The following DYNC2I2 variants were observed in gnomAD, a reference collection of about 807,000 sequenced individuals.
The protein encoded by DYNC2I2 is cytoplasmic dynein 2 intermediate chain 2.
Under a neutral mutation model 52.0 loss-of-function variants are expected in DYNC2I2, and 39 were observed. That is an observed-to-expected ratio of 0.75 (90% confidence interval 0.58 to 0.98). DYNC2I2 has a LOEUF of 0.98. DYNC2I2 is among the 50% of genes least tolerant of loss of function. DYNC2I2 has a pLI of 0.00. For missense variants in DYNC2I2, 743 were observed against 728.4 expected (o/e 1.02, Z -0.23); for synonymous variants, 359 against 321.1 (o/e 1.12, Z -1.26).
upstream of DYNC2I2, among the ~76,000 whole-genome samples, chr9:128,659,668 G>A (rs778392683): frequency 6.6e-6 from 1 of 151,778 alleles, no homozygotes; most frequent in Admixed American, 6.6e-5. Context: ...CAGCACTTTT[G>A]GAGGCCGAGG....
At chr9:128,671,085 A>G in the DYNC2I2 span, among the ~76,000 whole-genome samples, 1 of 127,584 alleles carries the variant, frequency 7.8e-6, no homozygotes, top group Non-Finnish European at 1.7e-5. Context: ...AAAAAAAAAA[A>G]GAAACACCCA....
the DYNC2I2 span, among the ~76,000 whole-genome samples, chr9:128,667,557 C>T: frequency 4.0e-3 from 589 of 148,034 alleles, 4 homozygotes; most frequent in African/African-American, 0.013. Flanking sequence ...CCTTGTGATC[C>T]GCCCGCCTCG....
the DYNC2I2 span, chr9:128,683,846 C>G: frequency 1.4e-6 from 2 of 1,474,152 alleles, no homozygotes; most frequent in African/African-American, 2.8e-5. Flanking sequence ...CAGCCTGCTT[C>G]CGGACGGGCG....
chr9:128,643,148 G>A (rs761481865), intron 1 of DYNC2I2, among the ~76,000 whole-genome samples: 30 of 152,332 alleles, frequency 2.0e-4, no homozygotes, highest in South Asian at 8.3e-4. Flanking sequence ...ACTTTGGGAG[G>A]CTGAAGCAAG....
chr9:128,634,801 C>G lies in DYNC2I2; in HGVS notation c.1102G>C (p.Glu368Gln). The G allele has an allele frequency of 6.2e-7, 1 of 1,612,782 alleles. No homozygotes were observed. The highest frequency in any genetic ancestry group is 8.5e-7 in the Non-Finnish European group (1 of 1,179,642). Residue 368 changes from glutamate (E) to glutamine (Q), a missense_variant, in exon 7 of 9, where the codon GAG becomes CAG. Coordinates refer to ENST00000372715, the MANE Select transcript of DYNC2I2 (RefSeq NM_052844.4). ...CTGGGCATCCGCGTGAGGGCTGCCT[C>G]TCCAGCTGCCAGGGAACACTTGAGC... ...FPLKCSLAAG[E>Q]AALTRMPSSV...
chr9:128,653,952 A>G (rs1860768816), intron 1 of DYNC2I2, among the ~76,000 whole-genome samples: 3 of 152,224 alleles, frequency 2.0e-5, no homozygotes, highest in Non-Finnish European at 4.4e-5. Flanking sequence ...CAGAGCTTGC[A>G]GCGAGCCGAG....
the DYNC2I2 span, among the ~76,000 whole-genome samples, chr9:128,678,448 ATTTTTTTTTTTT>A: frequency 1.1e-4 from 7 of 61,362 alleles, no homozygotes; most frequent in East Asian, 1.9e-3. Context: ...ACCACAGGTA[ATTTTTTTTTTTT>A]TTTTTTTTTT....
chr9:128,636,431 G>A lies in DYNC2I2; in HGVS notation c.553C>T (p.His185Tyr), dbSNP rs1307777519. 1 of 1,603,856 alleles carries A rather than the reference G, an allele frequency of 6.2e-7. No homozygotes were observed. The highest frequency in any genetic ancestry group is 8.5e-7 in the Non-Finnish European group (1 of 1,177,648). ...VVACAYGRLD[H>Y]GDWSTLKSFV... ...GACTTAAGCGTGCTCCAGTCCCCAT[G>A]GTCCAGCCTGTGCAGGGACAGGCTT... Residue 185 changes from histidine to tyrosine, a missense_variant, in exon 4 of 9, where the codon CAT becomes TAT. Coordinates refer to ENST00000372715, the MANE Select transcript of DYNC2I2 (RefSeq NM_052844.4).
chr9:128,640,717 C>T lies in DYNC2I2; in HGVS notation c.409G>A (p.Val137Met), dbSNP rs759449038. Reference sequence around the variant, plus strand: ...ATCTGCTGCTGCTCGGTCCAGTTCACCTCGAAGCCATCAAACGCGTGGCTC... The same window carrying T: ...ATCTGCTGCTGCTCGGTCCAGTTCATCTCGAAGCCATCAAACGCGTGGCTC... ...WQSHAFDGFE[V>M]NWTEQQQMVS... The change falls in exon 2 of 9, where the codon GTG (valine) becomes ATG (methionine). Residue 137 changes from valine to methionine, a missense_variant. Physicochemically the swap from Val to Met is conservative, Grantham distance 21. Transcript: ENST00000372715. 5 of 1,614,182 alleles carry T rather than the reference C, an allele frequency of 3.1e-6. No individual in the cohort carries two copies. The East Asian group carries it at 6.7e-5, about 22-fold the overall frequency.
chr9:128,636,368 G>A lies in DYNC2I2; in HGVS notation c.616C>T (p.Arg206Cys), dbSNP rs148543026. The A allele has an allele frequency of 2.3e-3, 3,741 of 1,609,288 alleles. 20 individuals carry two copies. The highest frequency in any genetic ancestry group is 1.8e-3 in the Non-Finnish European group (2,145 of 1,178,288). ...CAWNLDRRDL[R>C]PQQPSAVVEV... ...ACCACGGCCGACGGCTGCTGGGGAC[G>A]CAGGTCTCGCCGGTCCAGGTTCCAG... is the stretch of plus-strand genomic sequence containing the variant. The change falls in exon 4 of 9, where the codon CGT becomes TGT. Residue 206 changes from arginine to cysteine, a missense_variant. Transcript: ENST00000372715.
upstream of DYNC2I2, among the ~76,000 whole-genome samples, chr9:128,657,126 A>G (rs1860847514): frequency 6.6e-6 from 1 of 152,222 alleles, no homozygotes; most frequent in Non-Finnish European, 1.5e-5. Flanking sequence ...TGATTCTTCC[A>G]GCAGATCCGA....
rs1387554621 is a variant in DYNC2I2 at position 128,656,807 on chromosome 9, T to C, written c.-81A>G. ...GCCGCCATGAGCGGAAAACGGGGAA[T>C]GTGAGGCTGACGGCGCCATGTTTGA... On this transcript the variant is annotated 5_prime_UTR_variant, in exon 1 of 9. Coordinates refer to ENST00000372715, the MANE Select transcript of DYNC2I2 (RefSeq NM_052844.4). The C allele has an allele frequency of 1.0e-5, 13 of 1,290,378 alleles. No individual in the cohort carries two copies. In the East Asian group the frequency reaches 4.1e-4, roughly 41 times the overall value. 79.9% of individuals were successfully genotyped at this position (1,290,378 alleles called of 1,614,324 possible).
chr9:128,642,751 T>C (rs1860542379), intron 1 of DYNC2I2, among the ~76,000 whole-genome samples: 2 of 151,998 alleles, frequency 1.3e-5, no homozygotes, highest in South Asian at 4.2e-4. Context: ...CGAGACTCCA[T>C]TTCAAAAAAA....
chr9:128,633,930 CAA>C lies in DYNC2I2; in HGVS notation c.1423_1424del (p.Leu475AspfsTer7). 1.2e-6 allele frequency: 2 copies of C among 1,613,210 alleles called. No individual in the cohort carries two copies. The highest frequency in any genetic ancestry group is 8.5e-7 in the Non-Finnish European group (1 of 1,180,038). ...GGCTTTCATCCTGGGTTTGCTTGAT[CAA>C]AACTGTGGGTTTCTGGGAGCTTTTC... ...LQKSSQKPTV[L>X]IKQTQDESPV... is the part of the protein sequence containing the mutation. On this transcript the variant is annotated frameshift_variant, in exon 9 of 9. Coordinates refer to ENST00000372715, the MANE Select transcript of DYNC2I2 (RefSeq NM_052844.4). LOFTEE classifies it high-confidence loss of function.
chr9:128,683,135 C>T, the DYNC2I2 span, among the ~76,000 whole-genome samples: 1 of 152,090 alleles, frequency 6.6e-6, no homozygotes. Context: ...GCTGGGATTA[C>T]AGGTGCCCAC....
intron 1 of DYNC2I2, among the ~76,000 whole-genome samples, chr9:128,655,580 C>T (rs1860804879): frequency 6.7e-6 from 1 of 149,050 alleles, no homozygotes; most frequent in East Asian, 2.0e-4. Flanking sequence ...TACACTCCAG[C>T]CTGGGCGACA....
chr9:128,649,688 C>CAAAAAAAAAAAAAAA lies in DYNC2I2; in HGVS notation c.186+6838_186+6852dup, dbSNP rs34154610. ...TGGGCAAGACAGTGAGACTCCATCTCAAAAAAAAAAAAAAAAAAAAACTGG... is the reference window on the plus strand; with the variant it reads ...TGGGCAAGACAGTGAGACTCCATCTCAAAAAAAAAAAAAAAAAAAAAAAAAAAAAAAAAAAACTGG... On this transcript the variant is annotated intron_variant, in intron 1 of 8. Coordinates refer to ENST00000372715, the MANE Select transcript of DYNC2I2 (RefSeq NM_052844.4). 1.5e-4 allele frequency among the ~76,000 whole-genome samples: 7 copies of CAAAAAAAAAAAAAAA among 47,230 alleles called. 1 individual carries two copies. The highest frequency in any genetic ancestry group is 9.6e-4 in the African/African-American group (7 of 7,324). The allele number at this position is 47,230 out of a possible 152,430, so 31.0% of individuals were successfully genotyped here.
At chr9:128,667,566 C>T in the DYNC2I2 span, among the ~76,000 whole-genome samples, 14 of 148,654 alleles carry the variant, frequency 9.4e-5, no homozygotes, top group South Asian at 1.5e-3. Flanking sequence ...CCGCCCGCCT[C>T]GTCCTGTATT....
At chr9:128,664,382 C>T in the DYNC2I2 span, among the ~76,000 whole-genome samples, 1 of 152,142 alleles carries the variant, frequency 6.6e-6, no homozygotes, top group African/African-American at 2.4e-5. Flanking sequence ...TGATTACAAT[C>T]ACTGCTGCCT....
Sources: gnomAD v4.1 joint callset for allele counts (sites outside exome capture counted in the v4.1 genomes callset) on GRCh38, gnomAD v4.1.1 for gene constraint, MANE v1.5 for transcripts, NCBI Gene and HGNC (gene_info 2026-07-23, HGNC 2026-07-21) for gene names.